GLRX5: variants seen among roughly 807,000 people sequenced by gnomAD.
The protein encoded by GLRX5 is glutaredoxin 5, also known as glutaredoxin-related protein 5, mitochondrial.
GLRX5 carries 10 observed loss-of-function variants against 13.8 expected under a neutral mutation model. The observed-to-expected ratio is 0.72, with a 90% CI of 0.45 to 1.23. GLRX5 has a LOEUF of 1.23. Among genes scored for constraint, GLRX5 ranks in the 50% most tolerant of loss-of-function variants. GLRX5 has a pLI of 0.00. For missense variants in GLRX5, 233 were observed against 215.2 expected (o/e 1.08, Z -0.52); for synonymous variants, 98 against 101.1 (o/e 0.97, Z 0.18).
At chr14:95,536,817 G>A (rs1891389719) in intron 1 of GLRX5, among the ~76,000 whole-genome samples, 1 of 152,212 alleles carries the variant, frequency 6.6e-6, no homozygotes, top group Admixed American at 6.5e-5. Flanking sequence ...TTTGCTGTAG[G>A]TGATAGTGGT....
chr14:95,542,878 T>C (rs1349655189), intron 1 of GLRX5: 4 of 361,706 alleles, frequency 1.1e-5, no homozygotes, highest in Admixed American at 9.9e-5. Flanking sequence ...AACATACAAG[T>C]AGAAAAGGAA....
rs1891337551 is a variant in GLRX5, at chr14:95,535,150, G to T, written c.61G>T (p.Gly21Cys). Reference protein sequence around the residue: ...ALLRWGRGAGGGGLWGPGVRA... With the variant: ...ALLRWGRGAGCGGLWGPGVRA... ...GCTCCGCTGGGGGCGCGGCGCGGGC[G>T]GCGGTGGCCTTTGGGGTCCGGGCGT... Residue 21 changes from glycine (G) to cysteine (C), a missense_variant, in exon 1 of 2, where the codon GGC becomes TGC. Physicochemically the swap from Gly to Cys is radical, Grantham distance 159. Coordinates refer to ENST00000331334, the MANE Select transcript of GLRX5 (RefSeq NM_016417.3). 1 of 1,258,930 alleles carries T rather than the reference G, an allele frequency of 7.9e-7. No individual in the cohort carries two copies. The highest frequency in any genetic ancestry group is 3.4e-5 in the East Asian group (1 of 29,180). The allele number at this position is 1,258,930 out of a possible 1,614,324, so 78.0% of individuals were successfully genotyped here.
chr14:95,541,782 TA>T (rs1891477317), intron 1 of GLRX5, among the ~76,000 whole-genome samples: 1 of 152,274 alleles, frequency 6.6e-6, no homozygotes, highest in Non-Finnish European at 1.5e-5. Context: ...AATTTTACTT[TA>T]AAAACATGTA....
In GLRX5 at chr14:95,544,505, C is replaced by T. The variant is rs1295309764; in HGVS notation, c.*380C>T. The stretch of plus-strand genomic sequence containing the variant: ...GTATCTCCCCCCAAATTTTGTGTAG[C>T]TTCTTTTGTTATGGAAAATGGTGAA... On this transcript the variant is annotated 3_prime_UTR_variant, in exon 2 of 2. Transcript: ENST00000331334. 4.7e-6 allele frequency: 1 copy of T among 212,866 alleles called. No homozygotes were observed. Among genetic ancestry groups the T allele is most frequent in the Non-Finnish European group, 9.6e-6 (1 of 104,082 alleles). 13.2% of individuals were successfully genotyped at this position (212,866 alleles called of 1,614,324 possible). A position where few individuals can be genotyped will look rare whatever the true frequency, so the allele number is the denominator to read the frequency against.
chr14:95,539,035 C>T (rs1391165749), intron 1 of GLRX5, among the ~76,000 whole-genome samples: 1 of 152,182 alleles, frequency 6.6e-6, no homozygotes, highest in African/African-American at 2.4e-5. Flanking sequence ...GCCTGAGCTC[C>T]GCCTCCTGCC....
At chr14:95,542,872 T>G (rs1213690450) in intron 1 of GLRX5, 2 of 360,794 alleles carry the variant, frequency 5.5e-6, no homozygotes, top group Admixed American at 6.7e-5. Flanking sequence ...CATCTCAACA[T>G]ACAAGTAGAA....
intron 1 of GLRX5, among the ~76,000 whole-genome samples, chr14:95,539,811 A>G (rs1157477425): frequency 6.6e-6 from 1 of 152,162 alleles, no homozygotes; most frequent in Non-Finnish European, 1.5e-5. Context: ...GATTTTTGTA[A>G]AGATTAAATA....
At position 95,539,123 on chromosome 14, in the gene GLRX5, C is replaced by T. The variant is rs538692517; in HGVS notation, c.295+3739C>T. On this transcript the variant is annotated intron_variant, in intron 1 of 1. Coordinates refer to ENST00000331334, the MANE Select transcript of GLRX5 (RefSeq NM_016417.3). ...GCACATGTGAGGAATCTAGGTTGTG[C>T]GTTCCTTACGAGAATGTAACTAATG... 4.6e-5 allele frequency among the ~76,000 whole-genome samples: 7 copies of T among 152,308 alleles called. No individual in the cohort carries two copies. The South Asian group carries it at 8.3e-4, about 18-fold the overall frequency.
intron 1 of GLRX5, among the ~76,000 whole-genome samples, chr14:95,538,499 C>T (rs1406981802): frequency 6.6e-6 from 1 of 152,180 alleles, no homozygotes; most frequent in Non-Finnish European, 1.5e-5. Context: ...TGCTGGTGAA[C>T]CTTAAAAGTT....
chr14:95,537,649 G>C (rs1240315493), intron 1 of GLRX5, among the ~76,000 whole-genome samples: 5 of 152,218 alleles, frequency 3.3e-5, no homozygotes, highest in African/African-American at 9.6e-5. Flanking sequence ...TTGTACACCA[G>C]ATCCAAGGTC....
chr14:95,542,622 A>C (rs1351939342), intron 1 of GLRX5, among the ~76,000 whole-genome samples: 1 of 152,168 alleles, frequency 6.6e-6, no homozygotes, highest in Non-Finnish European at 1.5e-5. Flanking sequence ...AAGTTTTTGT[A>C]TTTTTAGTTT....
In GLRX5 at chr14:95,540,193, A is replaced by T. The variant is rs111862959; in HGVS notation, c.296-3754A>T. On this transcript the variant is annotated intron_variant, in intron 1 of 1. Transcript: ENST00000331334. Reference sequence around the variant, plus strand: ...GGTGTGAGCCACCGCACCTGGCCTGAATGGCGTTTTCATTACTTTAGGGTA... The same window carrying T: ...GGTGTGAGCCACCGCACCTGGCCTGTATGGCGTTTTCATTACTTTAGGGTA... Among the ~76,000 whole-genome samples, 133 of 152,242 alleles carry T rather than the reference A, an allele frequency of 8.7e-4. 1 individual carries two copies. Among genetic ancestry groups the T allele is most frequent in the African/African-American group, 3.1e-3 (130 of 41,522 alleles).
intron 1 of GLRX5, among the ~76,000 whole-genome samples, chr14:95,540,097 G>T (rs1449011058): frequency 6.6e-6 from 1 of 151,994 alleles, no homozygotes; most frequent in East Asian, 1.9e-4. Context: ...CACCATGTTG[G>T]CCAGGCTGGT....
intron 1 of GLRX5, among the ~76,000 whole-genome samples, chr14:95,541,812 T>G (rs1891477988): frequency 6.6e-6 from 1 of 152,208 alleles, no homozygotes. Context: ...GTAAAACATG[T>G]AGTTTTGGGT....
At chr14:95,536,206 A>G (rs1273364367) in intron 1 of GLRX5, among the ~76,000 whole-genome samples, 1 of 152,236 alleles carries the variant, frequency 6.6e-6, no homozygotes, top group Non-Finnish European at 1.5e-5. Flanking sequence ...GGAAGGCTGC[A>G]GCTAATAAGC....
intron 1 of GLRX5, 50 bp downstream of exon 1, chr14:95,535,434 T>TCGCTGCACGAGGCCGAGGGGTTC (rs1233826193): frequency 6.6e-7 from 1 of 1,507,950 alleles, no homozygotes; most frequent in Non-Finnish European, 8.9e-7. Context: ...CCCAGGAGCA[T>TCGCTGCACGAGGCCGAGGGGTTC]CGCTGCACGA....
intron 1 of GLRX5, 71 bp downstream of exon 1, chr14:95,535,455 T>A: frequency 7.1e-7 from 1 of 1,412,810 alleles, no homozygotes; most frequent in Non-Finnish European, 9.6e-7. Context: ...GGCCGAGGGG[T>A]TCCGCCGCGC....
chr14:95,536,641 T>C (rs1394693405), intron 1 of GLRX5, among the ~76,000 whole-genome samples: 1 of 152,230 alleles, frequency 6.6e-6, no homozygotes, highest in Non-Finnish European at 1.5e-5. Flanking sequence ...AAAGTTTGTG[T>C]TAGGAAGCCA....
rs1394233219 is a variant in GLRX5, at chr14:95,535,064, T to A, written c.-26T>A. 2.2e-5 allele frequency: 29 copies of A among 1,333,526 alleles called. No homozygotes were observed. Among genetic ancestry groups the A allele is most frequent in the Non-Finnish European group, 2.6e-5 (27 of 1,030,608 alleles). The allele number at this position is 1,333,526 out of a possible 1,614,324, so 82.6% of individuals were successfully genotyped here. A position where few individuals can be genotyped will look rare whatever the true frequency, so the allele number is the denominator to read the frequency against. ...GGTGGCCAGCTGTGGGCCCGGGCCGTCGTGGGCTCCGGCTTGCGTGCGGAG... is the reference window on the plus strand; with the variant it reads ...GGTGGCCAGCTGTGGGCCCGGGCCGACGTGGGCTCCGGCTTGCGTGCGGAG... On this transcript the variant is annotated 5_prime_UTR_variant, in exon 1 of 2. Transcript: ENST00000331334.
Sources: allele counts gnomAD v4.1 joint callset (sites outside exome capture counted in the v4.1 genomes callset), GRCh38; gene constraint gnomAD v4.1.1; transcripts MANE v1.5; gene names NCBI Gene and HGNC (gene_info 2026-07-23, HGNC 2026-07-21).